CD36: variants seen among roughly 807,000 people sequenced by gnomAD.
CD36 encodes platelet glycoprotein 4.
In CD36, 119 loss-of-function variants were observed where a neutral mutation model predicts 55.2. The ratio of observed to expected loss-of-function variants is 2.15; its 90% confidence interval spans 1.86 to 2.51. The LOEUF (loss-of-function observed/expected upper bound fraction) is 2.51. Among genes scored for constraint, CD36 ranks in the 30% most tolerant of loss-of-function variants. The pLI is 0.00. For missense variants in CD36, 819 were observed against 555.5 expected (o/e 1.47, Z -4.77); for synonymous variants, 186 against 193.6 (o/e 0.96, Z 0.33).
chr7:80,669,990 GGTATTGCA>G lies in CD36; in HGVS notation c.789_796del (p.Gln265PhefsTer3). On this transcript the variant is annotated frameshift_variant, in exon 9 of 15. Transcript: ENST00000447544. LOFTEE classifies it high-confidence loss of function. ...TTCCACCTTTTGTTGAGAAAAGCCA[GGTATTGCA>G]GTTCTTTTCTTCTGATATTTGCAGG... is the stretch of plus-strand genomic sequence containing the variant. The G allele has an allele frequency of 6.2e-7, 1 of 1,611,870 alleles. No individual in the cohort carries two copies. The highest frequency in any genetic ancestry group is 8.5e-7 in the Non-Finnish European group (1 of 1,178,228).
chr7:80,670,132 C>T (rs1797516570), intron 9 of CD36, 110 bp downstream of exon 9: 1 of 763,566 alleles, frequency 1.3e-6, no homozygotes, highest in Non-Finnish European at 2.3e-6. Context: ...TATTAACTAA[C>T]TCTTTGCAAA....
intron 5 of CD36, among the ~76,000 whole-genome samples, chr7:80,661,641 G>A (rs989886552): frequency 1.3e-5 from 2 of 152,104 alleles, no homozygotes; most frequent in African/African-American, 4.8e-5. Flanking sequence ...TCCAGACAGT[G>A]TACCAGTAGC....
At chr7:80,632,776 C>T (rs1171074930) in intron 1 of CD36, among the ~76,000 whole-genome samples, 1 of 151,834 alleles carries the variant, frequency 6.6e-6, no homozygotes, top group African/African-American at 2.4e-5. Flanking sequence ...TTCTCTGAAC[C>T]TTCTCAAAAT....
At position 80,673,997 on chromosome 7, in the gene CD36, T is replaced by TGTCCCA; in HGVS notation, c.1270_1271insTCCCAG (p.Gly423_Asp424insValPro). 1 of 1,611,832 alleles carries TGTCCCA rather than the reference T, an allele frequency of 6.2e-7. No individual in the cohort carries two copies. Among genetic ancestry groups the TGTCCCA allele is most frequent in the African/African-American group, 1.3e-5 (1 of 74,926 alleles). On this transcript the variant is annotated inframe_insertion, in exon 14 of 15. Transcript: ENST00000447544. ...CTTGATTACAGACTGGGACCATTGGTGATGAGAAGGCAAACATGTTCAGAA... is the reference window on the plus strand; with the variant it reads ...CTTGATTACAGACTGGGACCATTGGTGTCCCAGATGAGAAGGCAAACATGTTCAGAA...
At chr7:80,655,000 A>T (rs1235864086) in intron 3 of CD36, among the ~76,000 whole-genome samples, 1 of 152,098 alleles carries the variant, frequency 6.6e-6, no homozygotes, top group Non-Finnish European at 1.5e-5. Context: ...TGGGCCAGCC[A>T]CCTGGTTTCT....
chr7:80,618,429 TA>T (rs1276313816), intron 1 of CD36, among the ~76,000 whole-genome samples: 1 of 152,050 alleles, frequency 6.6e-6, no homozygotes, highest in Non-Finnish European at 1.5e-5. Context: ...TCTCTTTAAA[TA>T]AAAAAACTAG....
chr7:80,663,239 A>G, intron 6 of CD36, 70 bp downstream of exon 6: 6 of 1,282,774 alleles, frequency 4.7e-6, no homozygotes, highest in Non-Finnish European at 6.8e-6. Flanking sequence ...TTGGCAAGGC[A>G]TAATTTTATA....
rs1323122280 is a variant in CD36 at position 80,673,944 on chromosome 7, A to G, written c.1255-39A>G. 3.3e-6 allele frequency: 5 copies of G among 1,533,826 alleles called. No homozygotes were observed. The African/African-American group carries it at 5.5e-5, about 17-fold the overall frequency. On this transcript the variant is annotated intron_variant, in intron 13 of 14. Coordinates refer to ENST00000447544, the MANE Select transcript of CD36 (RefSeq NM_001001548.3). The stretch of plus-strand genomic sequence containing the variant: ...ATTGAAGGGTTTATTTTGTTTTACT[A>G]ACGTACCCAAATAATGTTGATTATT...
intron 3 of CD36, among the ~76,000 whole-genome samples, chr7:80,654,372 A>G (rs1795858234): frequency 2.6e-5 from 4 of 152,180 alleles, no homozygotes; most frequent in Admixed American, 2.6e-4. Context: ...CAAACCTAAT[A>G]TGTACCTTGA....
intron 7 of CD36, chr7:80,666,122 T>C (rs920771798): frequency 3.1e-6 from 1 of 327,102 alleles, no homozygotes; most frequent in Non-Finnish European, 5.8e-6. Flanking sequence ...ATGTATCCCA[T>C]TGGAAAAAAA....
chr7:80,672,220 G>T (rs1355499031), intron 11 of CD36, among the ~76,000 whole-genome samples, 180 bp downstream of exon 11: 1 of 151,610 alleles, frequency 6.6e-6, no homozygotes, highest in East Asian at 1.9e-4. Context: ...ATTCTAATTG[G>T]CTTAAAATAA....
At position 80,646,763 on chromosome 7, in the gene CD36, G is replaced by A. The variant is rs559876270; in HGVS notation, c.23G>A (p.Gly8Glu). ...AAAATGGGCTGTGACCGGAACTGTG[G>A]GCTCATCGCTGGGGCTGTCATTGGT... MGCDRNCGLIAGAVIGAV... is the reference protein window; with the variant it reads MGCDRNCELIAGAVIGAV... Residue 8 changes from glycine to glutamate, a missense_variant, in exon 3 of 15, where the codon GGG becomes GAG. Transcript: ENST00000447544. The A allele has an allele frequency of 2.1e-5, 34 of 1,613,942 alleles. No homozygotes were observed. The African/African-American group carries it at 4.0e-4, about 19-fold the overall frequency.
rs1011368928 is a variant in CD36 at position 80,678,066 on chromosome 7, A to C, written c.*1683A>C. The C allele has an allele frequency of 1.5e-5, 2 of 137,724 alleles. No individual in the cohort carries two copies. The highest frequency in any genetic ancestry group is 5.4e-5 in the African/African-American group (2 of 37,380). The allele number at this position is 137,724 out of a possible 1,614,324, so 8.5% of individuals were successfully genotyped here. On this transcript the variant is annotated 3_prime_UTR_variant, in exon 15 of 15. Transcript: ENST00000447544. ...CTTAAGGGGAGATTTTTTTTACATG[A>C]AATCTGGGCTTTGGATGTGTGTGTG...
chr7:80,676,251 T>A (rs1798161027), intron 14 of CD36, 133 bp from the exon 15 acceptor site: 1 of 152,150 alleles, frequency 6.6e-6, no homozygotes, highest in Non-Finnish European at 1.5e-5. Context: ...CTATTTCTTT[T>A]TTTGCACTAA....
intron 1 of CD36, among the ~76,000 whole-genome samples, chr7:80,622,393 T>C (rs997383579): frequency 5.9e-5 from 9 of 152,130 alleles, no homozygotes; most frequent in Admixed American, 1.3e-4. Context: ...CTTACTAGCA[T>C]TGCTGAAGGA....
At chr7:80,604,341 G>A (rs1792413163) in intron 1 of CD36, among the ~76,000 whole-genome samples, 1 of 99,698 alleles carries the variant, frequency 1.0e-5, no homozygotes, top group African/African-American at 3.4e-5. Flanking sequence ...AATTGGCTAA[G>A]CCACTGGAAT....
intron 9 of CD36, 154 bp downstream of exon 9, chr7:80,670,176 C>A: frequency 8.3e-6 from 5 of 605,250 alleles, no homozygotes; most frequent in East Asian, 2.9e-5. Flanking sequence ...TTTAATAGTA[C>A]AAATTTTTTT....
chr7:80,664,373 T>C (rs751781209), intron 6 of CD36, 33 bp from the exon 7 acceptor site: 6 of 1,146,642 alleles, frequency 5.2e-6, no homozygotes, highest in Non-Finnish European at 1.3e-6. Context: ...AAATGACTTG[T>C]AGAAGTAACA....
At chr7:80,603,144 C>T (rs1408724366) in intron 1 of CD36, among the ~76,000 whole-genome samples, 1 of 151,972 alleles carries the variant, frequency 6.6e-6, no homozygotes, top group Non-Finnish European at 1.5e-5. Flanking sequence ...TACATAAGAT[C>T]AGACAACACC....
Sources: allele counts gnomAD v4.1 joint callset (sites outside exome capture counted in the v4.1 genomes callset), GRCh38; gene constraint gnomAD v4.1.1; transcripts MANE v1.5; gene names NCBI Gene and HGNC (gene_info 2026-07-23, HGNC 2026-07-21).